Variants in MANBAL observed in about 807,000 individuals in gnomAD.
MANBAL encodes protein MANBAL.
MANBAL carries 1 observed loss-of-function variant against 6.4 expected under a neutral mutation model. That is an observed-to-expected ratio of 0.16 (90% CI 0.06 to 0.74). The LOEUF is 0.74. Ranked by LOEUF, MANBAL falls within the 30% of genes least tolerant of loss-of-function variation. The pLI, the probability that MANBAL is intolerant of heterozygous loss-of-function variation, is 0.78. For synonymous variants in MANBAL, 47 were observed against 45.8 expected (o/e 1.03, Z -0.10); for missense variants, 100 against 107.8 (o/e 0.93, Z 0.32).
intron 2 of MANBAL, among the ~76,000 whole-genome samples, chr20:37,312,777 C>T (rs2069417095): frequency 6.6e-6 from 1 of 152,182 alleles, no homozygotes; most frequent in African/African-American, 2.4e-5. Flanking sequence ...TCTCGAGTAG[C>T]TGGGAGGACA....
In MANBAL at chr20:37,302,290, T is replaced by C. The variant is rs1320544891; in HGVS notation, c.150+877T>C. The C allele has an allele frequency of 2.6e-6, 4 of 1,550,518 alleles. No homozygotes were observed. In the African/African-American group the frequency reaches 5.5e-5, roughly 21 times the overall value. On this transcript the variant is annotated intron_variant, in intron 2 of 2. Coordinates refer to ENST00000373606, the MANE Select transcript of MANBAL (RefSeq NM_001003897.2). ...GTTTCCTGTCAACAGGAGTTCCATG[T>C]AGAGGCCTGATTCCATTCCAGTCAG...
At position 37,316,246 on chromosome 20, in the gene MANBAL, T is replaced by C. The variant is rs2069511921; in HGVS notation, c.151-62T>C. 3 of 1,461,342 alleles carry C rather than the reference T, an allele frequency of 2.1e-6. No homozygotes were observed. The Admixed American group carries it at 6.0e-5, about 29-fold the overall frequency. The allele number at this position is 1,461,342 out of a possible 1,614,324, so 90.5% of individuals were successfully genotyped here. The stretch of plus-strand genomic sequence containing the variant: ...TGCTTCTTTGCTTTCAGATGTGATC[T>C]CCTTTTGCTGGCGTCAGGCTTGATC... On this transcript the variant is annotated intron_variant, in intron 2 of 2. Transcript: ENST00000373606.
chr20:37,298,462 T>G (rs1420085033), intron 1 of MANBAL, among the ~76,000 whole-genome samples: 1 of 152,200 alleles, frequency 6.6e-6, no homozygotes, highest in Non-Finnish European at 1.5e-5. Flanking sequence ...CTATTCCAGG[T>G]ACCTCATATA....
rs1336614392 is a variant in MANBAL, at chr20:37,300,896, AC to A, written c.-56-311del. ...GGTGGCTCACACCTGCAATCCCAGC[AC>A]TTTGGGAGGCTGAGGCGGGCAGATC... is the stretch of plus-strand genomic sequence containing the variant. On this transcript the variant is annotated intron_variant, in intron 1 of 2. Transcript: ENST00000373606. Among the ~76,000 whole-genome samples, 18 of 152,068 alleles carry A rather than the reference AC, an allele frequency of 1.2e-4. 1 individual carries two copies. Among genetic ancestry groups the A allele is most frequent in the Admixed American group, 6.6e-5 (1 of 15,266 alleles).
chr20:37,293,776 A>G (rs1165624502), intron 1 of MANBAL, among the ~76,000 whole-genome samples: 1 of 152,254 alleles, frequency 6.6e-6, no homozygotes, highest in Non-Finnish European at 1.5e-5. Flanking sequence ...CAGCTAGAGT[A>G]CAGTGTGTAC....
At chr20:37,308,303 C>G (rs1295150057) in intron 2 of MANBAL, among the ~76,000 whole-genome samples, 1 of 152,186 alleles carries the variant, frequency 6.6e-6, no homozygotes, top group African/African-American at 2.4e-5. Context: ...GTCTCCCTTT[C>G]TCTCCCTCTC....
At position 37,316,359 on chromosome 20, in the gene MANBAL, G is replaced by C; in HGVS notation, c.202G>C (p.Ala68Pro). The change falls in exon 3 of 3, where the codon GCT becomes CCT. Residue 68 changes from alanine (A) to proline (P), a missense_variant. Transcript: ENST00000373606. ...TGCTGAGGTGACGAGGAAGCCCAAG[G>C]CTGCTGTTCCTTCTGTGAACAAGAG... is the stretch of plus-strand genomic sequence containing the variant. ...RSAEVTRKPK[A>P]AVPSVNKRPK... The C allele has an allele frequency of 6.2e-7, 1 of 1,613,948 alleles. No homozygotes were observed. Among genetic ancestry groups the C allele is most frequent in the Non-Finnish European group, 8.5e-7 (1 of 1,179,912 alleles).
At chr20:37,303,718 T>C (rs2069193341) in intron 2 of MANBAL, among the ~76,000 whole-genome samples, 1 of 152,184 alleles carries the variant, frequency 6.6e-6, no homozygotes, top group Non-Finnish European at 1.5e-5. Context: ...TGCTCTCCCA[T>C]TGGATACCCA....
intron 2 of MANBAL, among the ~76,000 whole-genome samples, chr20:37,313,891 A>G (rs1448903936): frequency 6.6e-6 from 1 of 152,162 alleles, no homozygotes; most frequent in African/African-American, 2.4e-5. Context: ...ATTCCTGTTG[A>G]TGAAGGTGAC....
intron 1 of MANBAL, among the ~76,000 whole-genome samples, chr20:37,292,800 T>C (rs1358716692): frequency 1.1e-4 from 16 of 152,230 alleles, no homozygotes; most frequent in Non-Finnish European, 1.5e-5. Flanking sequence ...TATTCCAGAC[T>C]CATCTGGTAT....
At chr20:37,294,026 A>G (rs565418861) in intron 1 of MANBAL, among the ~76,000 whole-genome samples, 30 of 152,206 alleles carry the variant, frequency 2.0e-4, no homozygotes, top group South Asian at 4.1e-4. Flanking sequence ...GGCTCAAGCA[A>G]TCCTCCTGCC....
Position 37,301,438 on chromosome 20 carries a change from G to C in MANBAL, c.150+25G>C, listed in dbSNP as rs752522880. 6.2e-6 allele frequency: 10 copies of C among 1,606,892 alleles called. No individual in the cohort carries two copies. The East Asian group carries it at 1.8e-4, about 29-fold the overall frequency. The stretch of plus-strand genomic sequence containing the variant: ...GGTGAGTTTTTCCCTGGGAGCCTCA[G>C]CTCCTCTGAGTGCCAGGCTGGGTTC... On this transcript the variant is annotated intron_variant, in intron 2 of 2. Transcript: ENST00000373606.
At position 37,306,511 on chromosome 20, in the gene MANBAL, G is replaced by A. The variant is rs761469560; in HGVS notation, c.150+5098G>A. On this transcript the variant is annotated intron_variant, in intron 2 of 2. Coordinates refer to ENST00000373606, the MANE Select transcript of MANBAL (RefSeq NM_001003897.2). ...AAAAACCAAGTCCCTAGAATCGTAAGCCAAATGAAAAGGTTTTCTCATTGG... is the reference window on the plus strand; with the variant it reads ...AAAAACCAAGTCCCTAGAATCGTAAACCAAATGAAAAGGTTTTCTCATTGG... 3.9e-5 allele frequency among the ~76,000 whole-genome samples: 6 copies of A among 152,296 alleles called. No homozygotes were observed. The South Asian group carries it at 1.2e-3, about 32-fold the overall frequency.
At chr20:37,307,274 T>A (rs961078268) in intron 2 of MANBAL, among the ~76,000 whole-genome samples, 15 of 152,166 alleles carry the variant, frequency 9.9e-5, no homozygotes, top group African/African-American at 3.6e-4. Context: ...CTTGGATCAG[T>A]ATTTTTTTAA....
chr20:37,310,682 C>G (rs1262401791), intron 2 of MANBAL, among the ~76,000 whole-genome samples: 6 of 152,168 alleles, frequency 3.9e-5, no homozygotes. Flanking sequence ...ATTTTCTGGC[C>G]TGGTAAGCGC....
chr20:37,314,545 ATTTTG>A (rs1261974934), intron 2 of MANBAL, among the ~76,000 whole-genome samples: 1 of 152,282 alleles, frequency 6.6e-6, no homozygotes, highest in Non-Finnish European at 1.5e-5. Flanking sequence ...GGCCTTGCAA[ATTTTG>A]TTTTGTTTTG....
chr20:37,297,996 A>G (rs1415376882), intron 1 of MANBAL, among the ~76,000 whole-genome samples: 1 of 152,118 alleles, frequency 6.6e-6, no homozygotes, highest in Non-Finnish European at 1.5e-5. Context: ...CAGAAATATA[A>G]TACAGACTAT....
In MANBAL at chr20:37,316,855, G is replaced by A. The variant is rs535658860; in HGVS notation, c.*440G>A. On this transcript the variant is annotated 3_prime_UTR_variant, in exon 3 of 3. Transcript: ENST00000373606. ...CTCCTCCTGATCAGTCACCTTTGTTGCTGCTGTGTAGACAGAGCCAGGCCT... is the reference window on the plus strand; with the variant it reads ...CTCCTCCTGATCAGTCACCTTTGTTACTGCTGTGTAGACAGAGCCAGGCCT... The A allele has an allele frequency of 6.1e-6, 1 of 162,854 alleles. No individual in the cohort carries two copies. Among genetic ancestry groups the A allele is most frequent in the South Asian group, 1.8e-4 (1 of 5,706 alleles). 10.1% of individuals were successfully genotyped at this position (162,854 alleles called of 1,614,324 possible). A position where few individuals can be genotyped will look rare whatever the true frequency, so the allele number is the denominator to read the frequency against.
intron 1 of MANBAL, among the ~76,000 whole-genome samples, chr20:37,300,894 G>A (rs2146803346): frequency 6.6e-6 from 1 of 152,216 alleles, no homozygotes; most frequent in African/African-American, 2.4e-5. Flanking sequence ...TGCAATCCCA[G>A]CACTTTGGGA....
Sources: gnomAD v4.1 joint callset for allele counts (sites outside exome capture counted in the v4.1 genomes callset) on GRCh38, gnomAD v4.1.1 for gene constraint, MANE v1.5 for transcripts, NCBI Gene and HGNC (gene_info 2026-07-23, HGNC 2026-07-21) for gene names.